IGF2: variants seen among roughly 807,000 people sequenced by gnomAD.
IGF2 encodes insulin-like growth factor 2.
Under a neutral mutation model 12.0 loss-of-function variants are expected in IGF2, and 2 were observed. The ratio of observed to expected loss-of-function variants is 0.17; its 90% CI spans 0.07 to 0.52. The LOEUF is 0.52. Among genes scored for constraint, IGF2 ranks in the 20% least tolerant of loss-of-function variants. The pLI, the probability that IGF2 is intolerant of heterozygous loss-of-function variation, is 0.95. For synonymous variants in IGF2, 105 were observed against 110.1 expected (o/e 0.95, Z 0.29); for missense variants, 211 against 268.0 (o/e 0.79, Z 1.48).
At chr11:2,140,574 T>G, upstream of IGF2, 1 of 487,144 alleles carries the variant, frequency 2.1e-6, no homozygotes, top group South Asian at 2.0e-5. Context: ...TCCGCGTCCC[T>G]CGCCCCAGCC....
At position 2,132,661 on chromosome 11, in the gene IGF2, G is replaced by A. The variant is rs559762706; in HGVS notation, c.*326C>T. On this transcript the variant is annotated 3_prime_UTR_variant, in exon 4 of 4. Coordinates refer to ENST00000416167, the MANE Select transcript of IGF2 (RefSeq NM_000612.6). Reference sequence around the variant, plus strand: ...TTAGTTTTAAGAGGGTTGTTGTGGGGGGGGGGGAAGGGGGTTAGTTTAATG... The same window carrying A: ...TTAGTTTTAAGAGGGTTGTTGTGGGAGGGGGGGAAGGGGGTTAGTTTAATG... The A allele has an allele frequency of 1.4e-5, 3 of 212,162 alleles. No homozygotes were observed. Among genetic ancestry groups the A allele is most frequent in the Non-Finnish European group, 1.8e-5 (2 of 109,482 alleles). The allele number at this position is 212,162 out of a possible 1,614,324, so 13.1% of individuals were successfully genotyped here.
upstream of IGF2, among the ~76,000 whole-genome samples, chr11:2,139,589 G>A (rs1429972192): frequency 6.8e-6 from 1 of 146,626 alleles, no homozygotes; most frequent in Non-Finnish European, 1.5e-5. Context: ...GGGGGGGGCG[G>A]CGGTCGCAGG....
Position 2,132,517 on chromosome 11 carries a change from A to T in IGF2, c.*470T>A, listed in dbSNP as rs1564893313. 1 of 207,102 alleles carries T rather than the reference A, an allele frequency of 4.8e-6. No individual in the cohort carries two copies. Among genetic ancestry groups the T allele is most frequent in the African/African-American group, 2.3e-5 (1 of 43,558 alleles). 12.8% of individuals were successfully genotyped at this position (207,102 alleles called of 1,614,324 possible). On this transcript the variant is annotated 3_prime_UTR_variant, in exon 4 of 4. Transcript: ENST00000416167. ...AGTGCCAAATTCCTTTATTTTGCCAATTGTTTCTCAGCCAATTCGTTTTTA... is the reference window on the plus strand; with the variant it reads ...AGTGCCAAATTCCTTTATTTTGCCATTTGTTTCTCAGCCAATTCGTTTTTA...
the IGF2 span, chr11:2,149,089 CTT>C: frequency 2.3e-5 from 36 of 1,590,426 alleles, no homozygotes; most frequent in Non-Finnish European, 3.1e-5. Flanking sequence ...TAAAGTGCAG[CTT>C]TTCTCTCACA....
the IGF2 span, chr11:2,146,798 C>T: frequency 9.6e-6 from 2 of 208,694 alleles, no homozygotes; most frequent in African/African-American, 4.6e-5. Context: ...AGCTCCAACG[C>T]TCCCCAAGTC....
chr11:2,149,301 C>A, the IGF2 span: 5 of 1,613,318 alleles, frequency 3.1e-6, no homozygotes, highest in East Asian at 6.7e-5. Flanking sequence ...GCGTCCAGAC[C>A]CTCTGGCCAG....
At position 2,131,168 on chromosome 11, in the gene IGF2, T is replaced by G. The variant is rs1858519087; in HGVS notation, c.*1819A>C. ...TCTCTGTCATGGTGGAAAGATGGAA[T>G]TAGGCCTGGGACACACCCCGCCCAC... is the stretch of plus-strand genomic sequence containing the variant. On this transcript the variant is annotated 3_prime_UTR_variant, in exon 4 of 4. Transcript: ENST00000416167. The G allele has an allele frequency of 4.3e-6, 1 of 232,738 alleles. No homozygotes were observed. The highest frequency in any genetic ancestry group is 1.8e-4 in the South Asian group (1 of 5,530). The allele number at this position is 232,738 out of a possible 1,614,324, so 14.4% of individuals were successfully genotyped here.
intron 2 of IGF2, among the ~76,000 whole-genome samples, chr11:2,135,130 C>T (rs142872113): frequency 6.6e-5 from 10 of 152,288 alleles, no homozygotes; most frequent in Admixed American, 2.6e-4. Flanking sequence ...GTGCCCCTGA[C>T]GTCTAGGGGG....
chr11:2,133,200 C>A lies in IGF2; in HGVS notation c.330G>T (p.Val110=). ...VLPDNFPRYP[V]GKFFQYDTWK... ...AGGTGTCATATTGGAAGAACTTGCC[C>A]ACGGGGTATCTGGGGAAGTTGTCCT... The change falls in exon 4 of 4, where the codon GTG becomes GTT. Residue 110 remains valine, a synonymous_variant. Transcript: ENST00000416167. This position sits in a 1 kb window ranked among gnomAD's most constrained non-coding sequence, Gnocchi z 8.9. 1 of 1,562,584 alleles carries A rather than the reference C, an allele frequency of 6.4e-7. No individual in the cohort carries two copies. Among genetic ancestry groups the A allele is most frequent in the Non-Finnish European group, 8.7e-7 (1 of 1,152,184 alleles).
upstream of IGF2, among the ~76,000 whole-genome samples, chr11:2,145,743 CT>C (rs1409421313): frequency 6.6e-6 from 1 of 152,160 alleles, no homozygotes; most frequent in African/African-American, 2.4e-5. Flanking sequence ...CATGTTCCCC[CT>C]CCCTCGTGGG....
the IGF2 span, chr11:2,148,793 T>C: frequency 0.034 from 11,245 of 329,426 alleles, 1,148 homozygotes; most frequent in African/African-American, 0.21. This position sits in a 1 kb window ranked among gnomAD's most constrained non-coding sequence, Gnocchi z 4.3. Context: ...CAGCTGTGTG[T>C]TCCCGCTGGG....
chr11:2,138,933 C>T lies in IGF2; in HGVS notation c.-711G>A. ...CCAGCTCGGTTTGGGCCGACGGAGC[C>T]CTCTGCCGTCGCGAGCCCGGGCCTC... On this transcript the variant is annotated 5_prime_UTR_variant, in exon 1 of 4. Coordinates refer to ENST00000416167, the MANE Select transcript of IGF2 (RefSeq NM_000612.6). 1.0e-6 allele frequency: 1 copy of T among 984,390 alleles called. No individual in the cohort carries two copies. The highest frequency in any genetic ancestry group is 1.7e-5 in the African/African-American group (1 of 57,240). The allele number at this position is 984,390 out of a possible 1,614,324, so 61.0% of individuals were successfully genotyped here.
intron 1 of IGF2, 32 bp downstream of exon 1, chr11:2,138,197 C>T (rs1348233454): frequency 9.2e-6 from 9 of 983,182 alleles, no homozygotes; most frequent in Non-Finnish European, 1.1e-5. Context: ...GCCCCAGCCC[C>T]GGCCCCGGCC....
At chr11:2,136,831 C>T (rs1398276177) in intron 1 of IGF2, among the ~76,000 whole-genome samples, 2 of 152,244 alleles carry the variant, frequency 1.3e-5, no homozygotes, top group East Asian at 3.9e-4. Flanking sequence ...CTCTAGCCCT[C>T]GCCGCGCTTC....
intron 2 of IGF2, among the ~76,000 whole-genome samples, chr11:2,134,986 T>C (rs1858895803): frequency 6.6e-6 from 1 of 152,214 alleles, no homozygotes; most frequent in African/African-American, 2.4e-5. Flanking sequence ...CTTGTCAGAA[T>C]GTCCAAAAGG....
the IGF2 span, chr11:2,149,498 T>C: frequency 4.2e-6 from 3 of 706,264 alleles, no homozygotes; most frequent in Non-Finnish European, 7.0e-6. Flanking sequence ...CTCGTTTCCC[T>C]GAGCCCCTCC....
chr11:2,136,582 C>A (rs1044236798), intron 1 of IGF2, among the ~76,000 whole-genome samples: 6 of 152,364 alleles, frequency 3.9e-5, no homozygotes, highest in Admixed American at 3.9e-4. Context: ...GGCGGGCAGC[C>A]CCAGCCTTCG....
chr11:2,149,133 C>T, the IGF2 span: 1 of 1,613,224 alleles, frequency 6.2e-7, no homozygotes, highest in African/African-American at 1.3e-5. Context: ...TACCTGTACT[C>T]TAGTCCCTGC....
upstream of IGF2, chr11:2,140,008 C>T (rs1859447921): frequency 2.3e-6 from 2 of 885,698 alleles, no homozygotes; most frequent in African/African-American, 1.8e-5. Flanking sequence ...CCCGGAGCCC[C>T]CGCCAGGTGC....
Sources: gnomAD v4.1 joint callset for allele counts (sites outside exome capture counted in the v4.1 genomes callset) on GRCh38, gnomAD v4.1.1 for gene constraint, Gnocchi (gnomAD v3.1) non-coding constraint, MANE v1.5 for transcripts, NCBI Gene and HGNC (gene_info 2026-07-23, HGNC 2026-07-21) for gene names.